The following CROCC variants were observed in gnomAD, a reference collection of about 807,000 sequenced individuals.
CROCC encodes the protein ciliary rootlet coiled-coil, rootletin, also known as rootletin.
In CROCC, 180 loss-of-function variants were observed where a neutral mutation model predicts 245.2. The observed-to-expected ratio is 0.73, with a 90% confidence interval of 0.65 to 0.83. CROCC has a LOEUF of 0.83. CROCC is among the 40% of genes least tolerant of loss of function. The pLI is 0.00. For missense variants in CROCC, 2,688 were observed against 2,779.4 expected (o/e 0.97, Z 0.74); for synonymous variants, 1,205 against 1,241.6 (o/e 0.97, Z 0.62).
At chr1:16,953,684 C>T in intron 21 of CROCC, 2 of 558,924 alleles carry the variant, frequency 3.6e-6, no homozygotes, top group South Asian at 2.2e-5. Context: ...ACACAGTGAG[C>T]ACTTACTGAG....
At position 16,954,388 on chromosome 1, in the gene CROCC, C is replaced by G. The variant is rs1193407424; in HGVS notation, c.3321+31C>G. 1 of 1,594,150 alleles carries G rather than the reference C, an allele frequency of 6.3e-7. No individual in the cohort carries two copies. Among genetic ancestry groups the G allele is most frequent in the Non-Finnish European group, 8.6e-7 (1 of 1,168,262 alleles). On this transcript the variant is annotated intron_variant, in intron 22 of 36. Coordinates refer to ENST00000375541, the MANE Select transcript of CROCC (RefSeq NM_014675.5). The surrounding 1 kb of genome is among the most constrained non-coding windows in gnomAD (Gnocchi z 4.4). ...GCAGGCTGGGCAGCTGGGCCTCTGT[C>G]TCATAGAGAGGCACATCCCTGGCTG...
chr1:16,948,630 C>A, intron 18 of CROCC, 106 bp downstream of exon 18: 3 of 1,485,488 alleles, frequency 2.0e-6, no homozygotes, highest in Non-Finnish European at 2.7e-6. Context: ...ACTAAGGAGT[C>A]TGGCTTGCCG....
At chr1:16,963,499 C>G (rs1415201249) in intron 27 of CROCC, among the ~76,000 whole-genome samples, 2 of 152,166 alleles carry the variant, frequency 1.3e-5, no homozygotes, top group African/African-American at 4.8e-5. Flanking sequence ...GCTGGAGGCC[C>G]CCAGGGGCAG....
chr1:16,930,516 A>G lies in CROCC; in HGVS notation c.771A>G (p.Ile257Met). 1 of 1,612,506 alleles carries G rather than the reference A, an allele frequency of 6.2e-7. No individual in the cohort carries two copies. The highest frequency in any genetic ancestry group is 8.5e-7 in the Non-Finnish European group (1 of 1,179,850). ...CCAACCAGGCTCTGAGTGAGGACAT[A>G]CGAAAGGTGACCAATGACTGGACAC... is the stretch of plus-strand genomic sequence containing the variant. ...GSANQALSED[I>M]RKVTNDWTRC... Residue 257 changes from isoleucine to methionine, a missense_variant, in exon 7 of 37, where the codon ATA becomes ATG. Transcript: ENST00000375541.
upstream of CROCC, among the ~76,000 whole-genome samples, chr1:16,918,342 A>C (rs1269926283): frequency 7.2e-6 from 1 of 139,766 alleles, no homozygotes; most frequent in Non-Finnish European, 1.5e-5. Context: ...GGGTGGAAGC[A>C]GTGGACACAT....
At chr1:16,921,382 G>A (rs1467751751), upstream of CROCC, among the ~76,000 whole-genome samples, 8 of 152,296 alleles carry the variant, frequency 5.3e-5, no homozygotes, top group African/African-American at 1.4e-4. Context: ...TAGGAATGCC[G>A]CAGGTGTTGC....
chr1:16,932,864 A>ATCTTT (rs1445532552), intron 8 of CROCC, among the ~76,000 whole-genome samples: 1 of 152,250 alleles, frequency 6.6e-6, no homozygotes, highest in Non-Finnish European at 1.5e-5. Flanking sequence ...TTAGTTAGTA[A>ATCTTT]TCTTTTCTTT....
chr1:16,926,374 T>G (rs2075535020), intron 3 of CROCC, among the ~76,000 whole-genome samples: 1 of 152,232 alleles, frequency 6.6e-6, no homozygotes, highest in Non-Finnish European at 1.5e-5. Flanking sequence ...GATGAGACCC[T>G]TGGTCCAGGG....
intron 36 of CROCC, among the ~76,000 whole-genome samples, 162 bp downstream of exon 36, chr1:16,971,809 G>A (rs1393477311): frequency 2.0e-5 from 3 of 152,226 alleles, no homozygotes; most frequent in Non-Finnish European, 2.9e-5. Flanking sequence ...CCAGACCGGG[G>A]CCACGGGATG....
chr1:16,916,138 A>G (rs1169332149), intron 1 of CROCC, among the ~76,000 whole-genome samples: 2 of 152,040 alleles, frequency 1.3e-5, no homozygotes, highest in Non-Finnish European at 2.9e-5. Flanking sequence ...ATTGTGCACC[A>G]CTGCACTCCA....
intron 1 of CROCC, among the ~76,000 whole-genome samples, chr1:16,914,520 G>T (rs945687954): frequency 1.3e-5 from 2 of 152,274 alleles, no homozygotes; most frequent in African/African-American, 4.8e-5. Flanking sequence ...GCCCTGCACT[G>T]CCCTCCTCGT....
At chr1:16,936,976 C>G (rs777517584) in intron 9 of CROCC, 103 bp downstream of exon 9, 21 of 1,201,064 alleles carry the variant, frequency 1.7e-5, no homozygotes, top group Non-Finnish European at 1.8e-5. Context: ...AAGGGCCTTC[C>G]TCTGTGAGCT....
intron 25 of CROCC, among the ~76,000 whole-genome samples, chr1:16,957,935 G>A (rs940427959): frequency 4.6e-5 from 7 of 152,140 alleles, no homozygotes; most frequent in African/African-American, 1.4e-4. Flanking sequence ...TGCTGGACGC[G>A]TTGCATGCTA....
At position 16,950,987 on chromosome 1, in the gene CROCC, T is replaced by A. The variant is rs1388503183; in HGVS notation, c.2871T>A (p.Ala957=). The A allele has an allele frequency of 6.3e-7, 1 of 1,593,186 alleles. No individual in the cohort carries two copies. The highest frequency in any genetic ancestry group is 2.3e-5 in the East Asian group (1 of 43,594). ...ELAGLRQQII[A]TQEKASLDKE... is the part of the protein sequence containing the mutation. ...CGGGCCTGCGGCAGCAAATAATAGC[T>A]ACACAGGAGAAAGCCAGTCTAGACA... The change falls in exon 20 of 37, where the codon GCT becomes GCA. Residue 957 remains alanine (A), a synonymous_variant. Coordinates refer to ENST00000375541, the MANE Select transcript of CROCC (RefSeq NM_014675.5).
At chr1:16,947,490 A>AATAATAATAATAATAATAATG (rs2076076244) in intron 17 of CROCC, among the ~76,000 whole-genome samples, 1 of 151,264 alleles carries the variant, frequency 6.6e-6, no homozygotes, top group African/African-American at 2.4e-5. Context: ...TAATAATAAT[A>AATAATAATAATAATAATAATG]ATAATAATAA....
chr1:16,927,346 C>T (rs1321726427), intron 3 of CROCC, among the ~76,000 whole-genome samples: 3 of 152,254 alleles, frequency 2.0e-5, no homozygotes, highest in Non-Finnish European at 4.4e-5. Flanking sequence ...ACAGGAAAAG[C>T]ATACAGTTCA....
chr1:16,940,939 T>TGCCCTCACCACCCTCTGA (rs1314649718), intron 13 of CROCC: 2 of 415,764 alleles, frequency 4.8e-6, no homozygotes, highest in African/African-American at 2.1e-5. Flanking sequence ...CCTTCCTCTG[T>TGCCCTCACCACCCTCTGA]GCCCTCACCA....
In CROCC at chr1:16,972,474, C is replaced by G; in HGVS notation, c.*28C>G. 6.3e-7 allele frequency: 1 copy of G among 1,577,274 alleles called. No homozygotes were observed. Among genetic ancestry groups the G allele is most frequent in the Non-Finnish European group, 8.7e-7 (1 of 1,149,894 alleles). Reference sequence around the variant, plus strand: ...TCCTGCTGGCATCTGGAGAACACCCCTGTGCCTGGGACAGGGGAGGACCCT... The same window carrying G: ...TCCTGCTGGCATCTGGAGAACACCCGTGTGCCTGGGACAGGGGAGGACCCT... On this transcript the variant is annotated 3_prime_UTR_variant, in exon 37 of 37. Transcript: ENST00000375541.
chr1:16,964,291 G>T (rs781073793), intron 27 of CROCC, among the ~76,000 whole-genome samples: 2 of 151,316 alleles, frequency 1.3e-5, no homozygotes, highest in Non-Finnish European at 2.9e-5. Flanking sequence ...GACTATAAGC[G>T]TGGGCCACCA....
Sources: allele counts gnomAD v4.1 joint callset (sites outside exome capture counted in the v4.1 genomes callset), GRCh38; gene constraint gnomAD v4.1.1; non-coding constraint Gnocchi (gnomAD v3.1); transcripts MANE v1.5; gene names NCBI Gene and HGNC (gene_info 2026-07-23, HGNC 2026-07-21).